ADAM18: variants seen among roughly 807,000 people sequenced by gnomAD.
The protein encoded by ADAM18 is ADAM metallopeptidase domain 18.
A neutral mutation model predicts 94.4 loss-of-function variants in ADAM18; 117 were observed. That is an observed-to-expected ratio of 1.24 (90% confidence interval 1.07 to 1.45). ADAM18 has a LOEUF of 1.45. ADAM18 is among the 40% of genes most tolerant of loss of function. The pLI is 0.00. For missense variants in ADAM18, 936 were observed against 880.0 expected, an observed-to-expected ratio of 1.06 and a Z score of -0.81; for synonymous variants, 327 against 291.6, an observed-to-expected ratio of 1.12 and a Z score of -1.24.
At chr8:39,711,816 G>T (rs768806224) in intron 18 of ADAM18, among the ~76,000 whole-genome samples, 1 of 151,822 alleles carries the variant, frequency 6.6e-6, no homozygotes, top group Non-Finnish European at 1.5e-5. Flanking sequence ...CATATGGAGA[G>T]AATAATGAAA....
chr8:39,650,611 A>G (rs1023937216), intron 12 of ADAM18, among the ~76,000 whole-genome samples: 6 of 152,242 alleles, frequency 3.9e-5, no homozygotes, highest in African/African-American at 7.2e-5. Context: ...ACTGAAAACT[A>G]TAAAGCATTG....
At chr8:39,594,793 G>GTTTTTTTTTTTTTTTTTTTTTTTGTTA (rs1818688796) in intron 2 of ADAM18, among the ~76,000 whole-genome samples, 3 of 46,868 alleles carry the variant, frequency 6.4e-5, no homozygotes, top group African/African-American at 8.2e-5. Context: ...TTTGCTGTGA[G>GTTTTTTTTTTTTTTTTTTTTTTTGTTA]TTTTTTTTTT....
intron 16 of ADAM18, among the ~76,000 whole-genome samples, chr8:39,688,415 T>A (rs997769879): frequency 6.6e-6 from 1 of 152,108 alleles, no homozygotes; most frequent in Non-Finnish European, 1.5e-5. Flanking sequence ...CCCCACTGTG[T>A]GTTGTTCCCT....
chr8:39,692,407 T>G (rs1288818221), intron 16 of ADAM18, among the ~76,000 whole-genome samples, 193 bp from the exon 17 acceptor site: 1 of 151,752 alleles, frequency 6.6e-6, no homozygotes, highest in Non-Finnish European at 1.5e-5. Flanking sequence ...TTGCAATTAC[T>G]TTGTTGTTTA....
intron 7 of ADAM18, among the ~76,000 whole-genome samples, chr8:39,630,890 C>G (rs528767266): frequency 1.3e-5 from 2 of 152,028 alleles, no homozygotes; most frequent in South Asian, 4.1e-4. Flanking sequence ...CAAACAATTA[C>G]AATTGATAAA....
At chr8:39,587,735 C>T (rs1302537451) in intron 2 of ADAM18, among the ~76,000 whole-genome samples, 2 of 152,128 alleles carry the variant, frequency 1.3e-5, no homozygotes, top group Admixed American at 1.3e-4. Flanking sequence ...CGTTAGCCAC[C>T]ACACCCACCT....
At chr8:39,713,418 A>T (rs1333218902) in intron 18 of ADAM18, among the ~76,000 whole-genome samples, 1 of 152,238 alleles carries the variant, frequency 6.6e-6, no homozygotes, top group Non-Finnish European at 1.5e-5. Context: ...AGCAATGGCA[A>T]CAAAAGCCAA....
rs528218633 is a variant in ADAM18, at chr8:39,668,029, G to A, written c.1358G>A (p.Ser453Asn). The change falls in exon 14 of 20, where the codon AGT becomes AAT. Residue 453 changes from serine to asparagine, a missense_variant. Physicochemically the swap from Ser to Asn is conservative, Grantham distance 46 (BLOSUM62 1). Transcript: ENST00000265707. ...LSIAGTPCRKSIDPECDFTEY... is the reference protein window; with the variant it reads ...LSIAGTPCRKNIDPECDFTEY... ...ATAGCAGGCACTCCATGTAGAAAGA[G>A]TATTGATCCAGAGTGTGATTTTACA... 1.2e-5 allele frequency: 20 copies of A among 1,614,012 alleles called. No individual in the cohort carries two copies. Among genetic ancestry groups the A allele is most frequent in the Admixed American group, 3.3e-5 (2 of 59,990 alleles).
chr8:39,653,636 A>G lies in ADAM18; in HGVS notation c.1230+5109A>G, dbSNP rs182908483. Among the ~76,000 whole-genome samples, 916 of 152,304 alleles carry G rather than the reference A, an allele frequency of 6.0e-3. 5 individuals are homozygous for G. The highest frequency in any genetic ancestry group is 0.021 in the African/African-American group (870 of 41,572). On this transcript the variant is annotated intron_variant, in intron 12 of 19. Coordinates refer to ENST00000265707, the MANE Select transcript of ADAM18 (RefSeq NM_014237.3). Reference sequence around the variant, plus strand: ...CTTAGGAAAAAACCTAATATGCCCTAACTTCTTCGAGGATAAAATAATCTT... The same window carrying G: ...CTTAGGAAAAAACCTAATATGCCCTGACTTCTTCGAGGATAAAATAATCTT...
chr8:39,609,221 G>A (rs1160610131), intron 4 of ADAM18, 101 bp downstream of exon 4: 1 of 880,432 alleles, frequency 1.1e-6, no homozygotes, highest in Non-Finnish European at 1.7e-6. Context: ...TATCCTTACT[G>A]ACATGTTACT....
intron 14 of ADAM18, among the ~76,000 whole-genome samples, chr8:39,671,256 C>A (rs115659821): frequency 7.3e-4 from 111 of 152,306 alleles, no homozygotes; most frequent in African/African-American, 2.6e-3. Flanking sequence ...AATATACTCT[C>A]TCAGCAGATT....
chr8:39,590,352 G>A lies in ADAM18; in HGVS notation c.132+5000G>A, dbSNP rs576033953. Among the ~76,000 whole-genome samples, 255 of 152,090 alleles carry A rather than the reference G, an allele frequency of 1.7e-3. 1 individual carries two copies. Among genetic ancestry groups the A allele is most frequent in the Non-Finnish European group, 7.5e-4 (51 of 67,994 alleles). ...TCGCAAGAACAAAAAACCAAACACC[G>A]CATATTCTCACTCATAGGTGGGAAT... On this transcript the variant is annotated intron_variant, in intron 2 of 19. Transcript: ENST00000265707.
At chr8:39,621,307 AAT>A (rs2129578806) in intron 6 of ADAM18, among the ~76,000 whole-genome samples, 1 of 132,336 alleles carries the variant, frequency 7.6e-6, no homozygotes, top group East Asian at 2.2e-4. Flanking sequence ...TGCATGACAA[AAT>A]CACACACACA....
chr8:39,606,896 T>TG (rs1004884401), intron 3 of ADAM18, among the ~76,000 whole-genome samples: 1 of 152,010 alleles, frequency 6.6e-6, no homozygotes, highest in African/African-American at 2.4e-5. Flanking sequence ...AGGTGCTCAG[T>TG]GGGGGAACTT....
intron 17 of ADAM18, among the ~76,000 whole-genome samples, chr8:39,706,124 C>A (rs1344755514): frequency 6.6e-6 from 1 of 151,940 alleles, no homozygotes; most frequent in African/African-American, 2.4e-5. Context: ...AATGAAAATA[C>A]TAAACTGTAG....
chr8:39,727,397 A>C (rs978218054), intron 19 of ADAM18, among the ~76,000 whole-genome samples: 2 of 152,224 alleles, frequency 1.3e-5, no homozygotes, highest in African/African-American at 4.8e-5. Flanking sequence ...GATTAAATAT[A>C]AATTTCAACT....
intron 14 of ADAM18, among the ~76,000 whole-genome samples, chr8:39,674,316 G>T (rs1057336518): frequency 6.6e-6 from 1 of 152,118 alleles, no homozygotes; most frequent in Non-Finnish European, 1.5e-5. Context: ...CCTGTATTGG[G>T]TGCATGTATA....
At chr8:39,647,953 TAGAC>T (rs1368593483) in intron 11 of ADAM18, among the ~76,000 whole-genome samples, 3 of 152,140 alleles carry the variant, frequency 2.0e-5, no homozygotes, top group Non-Finnish European at 2.9e-5. Flanking sequence ...TCTTTCTACA[TAGAC>T]AGAGTAACAG....
In ADAM18 at chr8:39,637,276, G is replaced by A. The variant is rs1366071414; in HGVS notation, c.601G>A (p.Gly201Arg). 2 of 1,602,256 alleles carry A rather than the reference G, an allele frequency of 1.2e-6. No homozygotes were observed. Among genetic ancestry groups the A allele is most frequent in the Middle Eastern group, 1.7e-4 (1 of 6,020 alleles). The change falls in exon 8 of 20, where the codon GGA becomes AGA. Residue 201 changes from glycine (G) to arginine (R), a missense_variant. By Grantham distance (125) the Gly-to-Arg change is moderately radical (BLOSUM62 -2). Coordinates refer to ENST00000265707, the MANE Select transcript of ADAM18 (RefSeq NM_014237.3). ...IVEKALYDYMGSEMMAVTQKI... is the reference protein window; with the variant it reads ...IVEKALYDYMRSEMMAVTQKI... ...ATTTCTTTTTCAGTATGATTATATG[G>A]GATCTGAAATGATGGCTGTAACACA...
Sources: gnomAD v4.1 joint callset for allele counts (sites outside exome capture counted in the v4.1 genomes callset) on GRCh38, gnomAD v4.1.1 for gene constraint, MANE v1.5 for transcripts, NCBI Gene and HGNC (gene_info 2026-07-23, HGNC 2026-07-21) for gene names.